DGKH: variants seen among roughly 807,000 people sequenced by gnomAD.
The protein encoded by DGKH is diacylglycerol kinase eta.
DGKH carries 90 observed loss-of-function variants against 159.3 expected under a neutral mutation model. That is an observed-to-expected ratio of 0.57 (90% CI 0.48 to 0.67). The LOEUF (loss-of-function observed/expected upper bound fraction) is 0.67, where lower values mean the gene tolerates loss of function less well. Among genes scored for constraint, DGKH ranks in the 30% least tolerant of loss-of-function variants. The probability of loss-of-function intolerance (pLI) is 0.00; values close to 1 mark genes in which losing one functional copy is unlikely to be tolerated. For missense variants in DGKH, 1,181 were observed against 1,506.1 expected (o/e 0.78, Z 3.57); for synonymous variants, 536 against 553.8 (o/e 0.97, Z 0.45).
intron 1 of DGKH, among the ~76,000 whole-genome samples, chr13:42,062,816 C>T (rs1236766997): frequency 6.6e-6 from 1 of 152,204 alleles, no homozygotes; most frequent in Non-Finnish European, 1.5e-5. Context: ...ATGGCATGTA[C>T]TTGAAACAGT....
At chr13:42,069,917 C>T (rs1882843976) in intron 1 of DGKH, 1 of 723,194 alleles carries the variant, frequency 1.4e-6, no homozygotes, top group Non-Finnish European at 2.4e-6. Context: ...ACTTGTACTT[C>T]TTCATCAGTG....
At chr13:42,161,868 C>T (rs1281563653) in intron 7 of DGKH, among the ~76,000 whole-genome samples, 2 of 151,684 alleles carry the variant, frequency 1.3e-5, no homozygotes, top group Admixed American at 1.3e-4. Flanking sequence ...ATTTTTTTCC[C>T]TGCAATTTGT....
At chr13:42,109,986 G>C (rs1436072298) in intron 1 of DGKH, among the ~76,000 whole-genome samples, 1 of 152,030 alleles carries the variant, frequency 6.6e-6, no homozygotes, top group Non-Finnish European at 1.5e-5. Flanking sequence ...TATCTAATCT[G>C]TCTACCCATC....
intron 12 of DGKH, among the ~76,000 whole-genome samples, chr13:42,177,374 C>T (rs117748722): frequency 6.6e-6 from 1 of 152,206 alleles, no homozygotes; most frequent in Non-Finnish European, 1.5e-5. Context: ...CATTCATTCT[C>T]ATTCTCCTAT....
In DGKH at chr13:42,155,714, C is replaced by T. The variant is rs199776370; in HGVS notation, c.537C>T (p.Tyr179=). 33 of 1,613,986 alleles carry T rather than the reference C, an allele frequency of 2.0e-5. No homozygotes were observed. Among genetic ancestry groups the T allele is most frequent in the Admixed American group, 1.0e-4 (6 of 59,994 alleles). Residue 179 remains tyrosine, a synonymous_variant, in exon 5 of 30, where the codon TAC becomes TAT. Transcript: ENST00000337343. ...ATTTCTCAGGGATGCACAACTGGTA[C>T]GCCTGCTCCCACGCCCGACCCACCT... ...VEHFSGMHNW[Y]ACSHARPTFC...
At chr13:42,243,184 G>T (rs138717848), downstream of DGKH, among the ~76,000 whole-genome samples, 589 of 152,134 alleles carry the variant, frequency 3.9e-3, 4 homozygotes, top group Admixed American at 5.3e-3. Flanking sequence ...CTTCCCTCTT[G>T]CCCTCACACA....
intron 9 of DGKH, among the ~76,000 whole-genome samples, chr13:42,167,642 T>C (rs1956344183): frequency 6.6e-6 from 1 of 152,162 alleles, no homozygotes; most frequent in Non-Finnish European, 1.5e-5. Flanking sequence ...GCCCTTCCTT[T>C]CCTCTGCTGA....
intron 5 of DGKH, among the ~76,000 whole-genome samples, chr13:42,158,141 T>A (rs1956090450): frequency 6.6e-6 from 1 of 152,252 alleles, no homozygotes; most frequent in Non-Finnish European, 1.5e-5. Flanking sequence ...TGAAGCACTT[T>A]GAACATTTGG....
intron 3 of DGKH, among the ~76,000 whole-genome samples, chr13:42,138,843 C>CTA (rs1955465383): frequency 6.6e-6 from 1 of 152,112 alleles, no homozygotes; most frequent in Admixed American, 6.6e-5. Flanking sequence ...TTATAGCACT[C>CTA]TAAAATGATG....
At chr13:42,111,001 CAT>C (rs755924135) in intron 1 of DGKH, among the ~76,000 whole-genome samples, 2 of 152,126 alleles carry the variant, frequency 1.3e-5, no homozygotes, top group Non-Finnish European at 2.9e-5. Context: ...CACTATGGCA[CAT>C]GTTTACCTAC....
At chr13:42,190,928 A>G (rs1594177328) in intron 16 of DGKH, among the ~76,000 whole-genome samples, 1 of 152,210 alleles carries the variant, frequency 6.6e-6, no homozygotes, top group Non-Finnish European at 1.5e-5. Context: ...AAAATTTGGC[A>G]TTTAAGTGAT....
At position 42,209,353 on chromosome 13, in the gene DGKH, T is replaced by C; in HGVS notation, c.2738T>C (p.Ile913Thr). 1.2e-6 allele frequency: 2 copies of C among 1,613,234 alleles called. No homozygotes were observed. The highest frequency in any genetic ancestry group is 1.7e-6 in the Non-Finnish European group (2 of 1,179,680). ...IAQCRTVKIT[I>T]FGDEGVPVQV... ...CAGTGCCGTACAGTGAAAATCACTATATTTGGTGACGAAGGAGTCCCAGTG... is the reference window on the plus strand; with the variant it reads ...CAGTGCCGTACAGTGAAAATCACTACATTTGGTGACGAAGGAGTCCCAGTG... The change falls in exon 23 of 30, where the codon ATA (isoleucine) becomes ACA (threonine). Residue 913 changes from isoleucine (I) to threonine (T), a missense_variant. Coordinates refer to ENST00000337343, the MANE Select transcript of DGKH (RefSeq NM_178009.5).
chr13:42,226,538 A>G (rs975752349), intron 29 of DGKH, among the ~76,000 whole-genome samples: 3 of 152,170 alleles, frequency 2.0e-5, no homozygotes, highest in Non-Finnish European at 4.4e-5. Flanking sequence ...AAAGACATGG[A>G]ATCAACCCAA....
chr13:42,243,824 A>G (rs913493601), downstream of DGKH, among the ~76,000 whole-genome samples: 1 of 152,198 alleles, frequency 6.6e-6, no homozygotes, highest in African/African-American at 2.4e-5. Flanking sequence ...CAAGGTCAGA[A>G]CTAAGCAATC....
chr13:42,074,381 A>C (rs1883166894), intron 1 of DGKH, among the ~76,000 whole-genome samples: 1 of 152,212 alleles, frequency 6.6e-6, no homozygotes, highest in African/African-American at 2.4e-5. Flanking sequence ...AGGATGATAA[A>C]AGTTCAGGTA....
In DGKH at chr13:42,165,489, A is replaced by G. The variant is rs145303216; in HGVS notation, c.958+56A>G. ...TCTGGTATATTTAACATTGATATGT[A>G]TATTTCTTTTCCTAGAATAATAACT... On this transcript the variant is annotated intron_variant, in intron 8 of 29. Transcript: ENST00000337343. 1,526 of 972,772 alleles carry G rather than the reference A, an allele frequency of 1.6e-3. 16 individuals are homozygous for G. The African/African-American group carries it at 0.023, about 15-fold the overall frequency. The allele number at this position is 972,772 out of a possible 1,614,324, so 60.3% of individuals were successfully genotyped here. A position where few individuals can be genotyped will look rare whatever the true frequency, so the allele number is the denominator to read the frequency against.
intron 1 of DGKH, among the ~76,000 whole-genome samples, chr13:42,049,231 G>A (rs1040995720): frequency 1.3e-5 from 2 of 151,744 alleles, no homozygotes; most frequent in African/African-American, 2.4e-5. Context: ...GGTGCTGCGG[G>A]ACGGATTCCC....
At chr13:42,064,677 AAAAG>A (rs1156358906) in intron 1 of DGKH, among the ~76,000 whole-genome samples, 1 of 151,916 alleles carries the variant, frequency 6.6e-6, no homozygotes, top group African/African-American at 2.4e-5. Flanking sequence ...GGAAAGAAAG[AAAAG>A]AAAGAGTACT....
At position 42,160,058 on chromosome 13, in the gene DGKH, C is replaced by T. The variant is rs754814160; in HGVS notation, c.777C>T (p.Ala259=). ...QWLEGNLPVS[A]KCAVCDKTCG... ...TTGAGGGCAACCTGCCTGTAAGTGC[C>T]AAGTGTGCTGTCTGCGACAAAACAT... The change falls in exon 7 of 30, where the codon GCC becomes GCT. Residue 259 remains alanine (A), a synonymous_variant. Transcript: ENST00000337343. The T allele has an allele frequency of 6.2e-7, 1 of 1,614,230 alleles. No homozygotes were observed. Among genetic ancestry groups the T allele is most frequent in the Admixed American group, 1.7e-5 (1 of 60,030 alleles).
Sources: allele counts gnomAD v4.1 joint callset (sites outside exome capture counted in the v4.1 genomes callset), GRCh38; gene constraint gnomAD v4.1.1; transcripts MANE v1.5; gene names NCBI Gene and HGNC (gene_info 2026-07-23, HGNC 2026-07-21).